Variants in ARFGEF2 observed in about 807,000 individuals in gnomAD.
ARFGEF2 encodes ARF guanine nucleotide exchange factor 2, also known as brefeldin A-inhibited guanine nucleotide-exchange protein 2.
In ARFGEF2, 74 loss-of-function variants were observed where a neutral mutation model predicts 219.9. The ratio of observed to expected loss-of-function variants is 0.34; its 90% CI spans 0.28 to 0.41. The LOEUF is 0.41. Among genes scored for constraint, ARFGEF2 ranks in the 10% least tolerant of loss-of-function variants. The pLI, the probability that ARFGEF2 is intolerant of heterozygous loss-of-function variation, is 1.00. For missense variants in ARFGEF2, 1,743 were observed against 2,218.3 expected, an observed-to-expected ratio of 0.79 and a Z score of 4.30; for synonymous variants, 733 against 799.2, an observed-to-expected ratio of 0.92 and a Z score of 1.40.
chr20:48,952,317 G>A (rs552616709), intron 4 of ARFGEF2, among the ~76,000 whole-genome samples: 1 of 151,750 alleles, frequency 6.6e-6, no homozygotes, highest in Non-Finnish European at 1.5e-5. Flanking sequence ...CACCACTCCT[G>A]GACTATTTTT....
chr20:48,999,200 TG>T (rs901415588), intron 25 of ARFGEF2: 1 of 436,310 alleles, frequency 2.3e-6, no homozygotes, highest in Admixed American at 2.6e-5. Context: ...ATCGCACCAC[TG>T]CACCCCAGCC....
intron 4 of ARFGEF2, 54 bp from the exon 5 acceptor site, chr20:48,952,651 G>A (rs1215868248): frequency 6.4e-7 from 1 of 1,559,248 alleles, no homozygotes; most frequent in South Asian, 1.1e-5. Flanking sequence ...GCCATAGGAG[G>A]GCAGGAAGGT....
At chr20:48,979,775 A>G (rs2091284022) in intron 14 of ARFGEF2, among the ~76,000 whole-genome samples, 1 of 152,124 alleles carries the variant, frequency 6.6e-6, no homozygotes, top group African/African-American at 2.4e-5. Flanking sequence ...AGGTGTTTAT[A>G]GTATTTTCTG....
In ARFGEF2 at chr20:48,941,238, T is replaced by C. The variant is rs1054956863; in HGVS notation, c.152+9T>C. On this transcript the variant is annotated intron_variant, in intron 2 of 38. Coordinates refer to ENST00000371917, the MANE Select transcript of ARFGEF2 (RefSeq NM_006420.3). ...GAAATAGAAAAGCAGAGGTAAGCTA[T>C]AGCACTACCTCCTTGCTGAGATACG... The C allele has an allele frequency of 6.2e-7, 1 of 1,612,994 alleles. No individual in the cohort carries two copies. Among genetic ancestry groups the C allele is most frequent in the African/African-American group, 1.3e-5 (1 of 74,892 alleles).
chr20:49,024,487 C>A (rs577969323), intron 35 of ARFGEF2, among the ~76,000 whole-genome samples: 1 of 152,262 alleles, frequency 6.6e-6, no homozygotes, highest in Non-Finnish European at 1.5e-5. Flanking sequence ...GATTACCATC[C>A]AAGTGGGTTA....
At chr20:48,963,767 T>C (rs774531330) in intron 6 of ARFGEF2, 63 bp from the exon 7 acceptor site, 231 of 1,526,238 alleles carry the variant, frequency 1.5e-4, no homozygotes, top group Non-Finnish European at 2.0e-4. Flanking sequence ...CTCCTTTTCC[T>C]CTCTTCCTTT....
chr20:49,032,916 G>T, intron 38 of ARFGEF2, 107 bp from the exon 39 acceptor site: 1 of 1,115,804 alleles, frequency 9.0e-7, no homozygotes. Flanking sequence ...AGCAAGAAAA[G>T]CACCAATATT....
At chr20:48,967,709 C>A (rs1391676597) in intron 8 of ARFGEF2, among the ~76,000 whole-genome samples, 1 of 152,200 alleles carries the variant, frequency 6.6e-6, no homozygotes, top group Admixed American at 6.5e-5. Context: ...TGGGAAGGTA[C>A]TACTTGAATA....
rs191885238 is a variant in ARFGEF2 at position 49,009,840 on chromosome 20, C to A, written c.3585-392C>A. ...ATTATATTATTTGAAATGTTTTTGGCCAGAAAAACTGACCAGCAGTGACTT... is the reference window on the plus strand; with the variant it reads ...ATTATATTATTTGAAATGTTTTTGGACAGAAAAACTGACCAGCAGTGACTT... On this transcript the variant is annotated intron_variant, in intron 26 of 38. Coordinates refer to ENST00000371917, the MANE Select transcript of ARFGEF2 (RefSeq NM_006420.3). Among the ~76,000 whole-genome samples, 72 of 152,204 alleles carry A rather than the reference C, an allele frequency of 4.7e-4. 1 individual carries two copies. Among genetic ancestry groups the A allele is most frequent in the Non-Finnish European group, 2.1e-4 (14 of 68,006 alleles).
At chr20:48,926,054 A>G (rs1031876116) in intron 1 of ARFGEF2, among the ~76,000 whole-genome samples, 1 of 152,188 alleles carries the variant, frequency 6.6e-6, no homozygotes, top group Non-Finnish European at 1.5e-5. Flanking sequence ...AGTTCTCACT[A>G]TTATCATCAT....
chr20:49,027,650 T>C (rs985551955), intron 36 of ARFGEF2, among the ~76,000 whole-genome samples: 3 of 151,518 alleles, frequency 2.0e-5, no homozygotes, highest in Non-Finnish European at 4.4e-5. Flanking sequence ...TAGTCAAGAT[T>C]GTGTCACTGC....
intron 26 of ARFGEF2, among the ~76,000 whole-genome samples, chr20:49,009,949 G>A (rs558187742): frequency 6.6e-6 from 1 of 152,316 alleles, no homozygotes; most frequent in African/African-American, 2.4e-5. Flanking sequence ...CCTGGATAGG[G>A]ACCATTTATT....
rs1322124864 is a variant in ARFGEF2 at position 48,952,957 on chromosome 20, G to T, written c.603+73G>T. On this transcript the variant is annotated intron_variant, in intron 5 of 38. Coordinates refer to ENST00000371917, the MANE Select transcript of ARFGEF2 (RefSeq NM_006420.3). The stretch of plus-strand genomic sequence containing the variant: ...GAACTCTATCATGTGTGACCTTGGT[G>T]CCTGTGAAGAATCACTAGCATTTTA... The T allele has an allele frequency of 2.7e-5, 41 of 1,511,224 alleles. No homozygotes were observed. The East Asian group carries it at 6.1e-4, about 22-fold the overall frequency. 93.6% of individuals were successfully genotyped at this position (1,511,224 alleles called of 1,614,324 possible). A position where few individuals can be genotyped will look rare whatever the true frequency, so the allele number is the denominator to read the frequency against.
rs1447953084 is a variant in ARFGEF2 at position 49,034,837 on chromosome 20, CTTT to C, written c.*1642_*1644del. 1 of 152,122 alleles carries C rather than the reference CTTT, an allele frequency of 6.6e-6. No individual in the cohort carries two copies. The highest frequency in any genetic ancestry group is 2.4e-5 in the African/African-American group (1 of 41,416). The allele number at this position is 152,122 out of a possible 1,614,324, so 9.4% of individuals were successfully genotyped here. On this transcript the variant is annotated 3_prime_UTR_variant, in exon 39 of 39. Transcript: ENST00000371917. ...TTTTGGCCAGCAGAATTCTTGTCTA[CTTT>C]TTTCTTTCCCAAAAAGTGTTTTTTA...
At chr20:48,965,021 CCTAT>C in intron 7 of ARFGEF2, among the ~76,000 whole-genome samples, 1 of 152,104 alleles carries the variant, frequency 6.6e-6, no homozygotes, top group Admixed American at 6.5e-5. Flanking sequence ...TTTTCTAAGC[CCTAT>C]CTTTTTGTTT....
At chr20:49,027,612 C>A (rs2091611123) in intron 36 of ARFGEF2, among the ~76,000 whole-genome samples, 1 of 151,984 alleles carries the variant, frequency 6.6e-6, no homozygotes, top group Non-Finnish European at 1.5e-5. Flanking sequence ...AGGAGGGTAA[C>A]TTGAGCCTGG....
At chr20:48,997,727 C>G (rs893248019) in intron 23 of ARFGEF2, among the ~76,000 whole-genome samples, 2 of 152,180 alleles carry the variant, frequency 1.3e-5, no homozygotes, top group African/African-American at 2.4e-5. Flanking sequence ...TCTACCTTGT[C>G]TGAGAGTTTG....
chr20:48,934,787 C>T (rs1312005797), intron 1 of ARFGEF2, among the ~76,000 whole-genome samples: 1 of 152,156 alleles, frequency 6.6e-6, no homozygotes, highest in African/African-American at 2.4e-5. Flanking sequence ...CAAGTCTTTG[C>T]TATTGTGAAT....
At chr20:48,995,183 A>G (rs990672924) in intron 22 of ARFGEF2, among the ~76,000 whole-genome samples, 9 of 152,310 alleles carry the variant, frequency 5.9e-5, no homozygotes, top group Middle Eastern at 6.8e-3. Flanking sequence ...CCATTTTGCA[A>G]TTGAGAAAAC....
Sources: gnomAD v4.1 joint callset for allele counts (sites outside exome capture counted in the v4.1 genomes callset) on GRCh38, gnomAD v4.1.1 for gene constraint, MANE v1.5 for transcripts, NCBI Gene and HGNC (gene_info 2026-07-23, HGNC 2026-07-21) for gene names.